Variants in AP1B1 observed in about 807,000 individuals in gnomAD.
AP1B1 encodes AP-1 complex subunit beta-1.
Under a neutral mutation model 104.3 loss-of-function variants are expected in AP1B1, and 36 were observed. The ratio of observed to expected loss-of-function variants is 0.35; its 90% CI spans 0.26 to 0.46. AP1B1 has a LOEUF of 0.46. AP1B1 is among the 20% of genes least tolerant of loss of function. AP1B1 has a pLI of 1.00. For missense variants in AP1B1, 901 were observed against 1,247.9 expected (o/e 0.72, Z 4.19); for synonymous variants, 504 against 517.5 (o/e 0.97, Z 0.35).
At chr22:29,339,644 G>A in intron 15 of AP1B1, 110 bp downstream of exon 15, 1 of 1,180,144 alleles carries the variant, frequency 8.5e-7, no homozygotes, top group Non-Finnish European at 1.2e-6. Flanking sequence ...CAGGGGCTCA[G>A]CAGGTGGAGG....
At chr22:29,330,129 T>C (rs2061534842) in intron 21 of AP1B1, 8 of 1,424,648 alleles carry the variant, frequency 5.6e-6, no homozygotes, top group African/African-American at 1.4e-5. Context: ...TGCACCACCT[T>C]ACAGGGCCCA....
chr22:29,361,340 G>C (rs2062043529), intron 3 of AP1B1, among the ~76,000 whole-genome samples: 1 of 152,204 alleles, frequency 6.6e-6, no homozygotes. Flanking sequence ...ACCTGGATGG[G>C]AGCTGCTCCA....
Position 29,351,118 on chromosome 22 carries a change from G to A in AP1B1, c.1155+53C>T, listed in dbSNP as rs570957160. 41 of 1,533,404 alleles carry A rather than the reference G, an allele frequency of 2.7e-5. No individual in the cohort carries two copies. The African/African-American group carries it at 2.9e-4, about 11-fold the overall frequency. 95.0% of individuals were successfully genotyped at this position (1,533,404 alleles called of 1,614,324 possible). A position where few individuals can be genotyped will look rare whatever the true frequency, so the allele number is the denominator to read the frequency against. ...TCTGCTTGAATCAGACTGGTTTCCCGGTTTCAGCCCCCTTTTCCTTCTCCA... is the reference window on the plus strand; with the variant it reads ...TCTGCTTGAATCAGACTGGTTTCCCAGTTTCAGCCCCCTTTTCCTTCTCCA... On this transcript the variant is annotated intron_variant, in intron 9 of 22. Transcript: ENST00000357586.
intron 17 of AP1B1, 142 bp from the exon 18 acceptor site, chr22:29,332,058 G>GGTCCAGA: frequency 1.2e-6 from 1 of 836,270 alleles, no homozygotes; most frequent in Non-Finnish European, 1.8e-6. Context: ...CTGGACCCTG[G>GGTCCAGA]ACAGAAGGAT....
At chr22:29,371,460 G>A (rs1201277673) in intron 1 of AP1B1, among the ~76,000 whole-genome samples, 12 of 152,174 alleles carry the variant, frequency 7.9e-5, no homozygotes, top group African/African-American at 2.4e-4. Context: ...GGCTGGGCGC[G>A]GTGGCTTATG....
At chr22:29,363,455 C>G (rs174769) in intron 2 of AP1B1, among the ~76,000 whole-genome samples, 58,765 of 152,064 alleles carry the variant, frequency 0.39, 12,422 homozygotes, top group Admixed American at 0.53. Context: ...CAAGACCATC[C>G]TGGCCAACAT....
intron 1 of AP1B1, among the ~76,000 whole-genome samples, chr22:29,368,756 CAAA>C (rs5844848): frequency 1.0e-4 from 12 of 118,680 alleles, no homozygotes; most frequent in Admixed American, 8.8e-5. Flanking sequence ...AGGATTCAGT[CAAA>C]AAAAAAAAAA....
Position 29,358,910 on chromosome 22 carries a change from C to T in AP1B1, c.341G>A (p.Arg114His), listed in dbSNP as rs2062001596. ...ALAVRTMGCI[R>H]VDKITEYLCE... Reference sequence around the variant, plus strand: ...CAGGTACTCTGTGATCTTGTCAACGCGGATGCAGCCCATGGTCCGCACTGC... The same window carrying T: ...CAGGTACTCTGTGATCTTGTCAACGTGGATGCAGCCCATGGTCCGCACTGC... The change falls in exon 5 of 23, where the codon CGC becomes CAC. Residue 114 changes from arginine (R) to histidine (H), a missense_variant. Coordinates refer to ENST00000357586, the MANE Select transcript of AP1B1 (RefSeq NM_001127.4). The T allele has an allele frequency of 1.9e-6, 3 of 1,613,018 alleles. No individual in the cohort carries two copies. Among genetic ancestry groups the T allele is most frequent in the South Asian group, 1.1e-5 (1 of 90,866 alleles).
intron 21 of AP1B1, chr22:29,330,064 G>A: frequency 7.1e-7 from 1 of 1,410,794 alleles, no homozygotes; most frequent in Non-Finnish European, 9.2e-7. Flanking sequence ...TCACAGGACA[G>A]GGCCAGGGCC....
chr22:29,366,754 G>A (rs1410108433), intron 2 of AP1B1, among the ~76,000 whole-genome samples: 4 of 151,410 alleles, frequency 2.6e-5, no homozygotes, highest in African/African-American at 7.3e-5. Flanking sequence ...AGCCAAGATC[G>A]CACCACTGCA....
chr22:29,367,311 C>T, intron 1 of AP1B1, 41 bp from the exon 2 acceptor site: 2 of 958,688 alleles, frequency 2.1e-6, no homozygotes, highest in Non-Finnish European at 3.3e-6. Flanking sequence ...CAGTTATGCT[C>T]CATCCCATCT....
chr22:29,370,856 CA>C (rs1166274227), intron 1 of AP1B1, among the ~76,000 whole-genome samples: 14 of 152,226 alleles, frequency 9.2e-5, no homozygotes, highest in Admixed American at 2.6e-4. Context: ...AGCAACTACT[CA>C]CAAACTTAAC....
intron 10 of AP1B1, 26 bp from the exon 11 acceptor site, chr22:29,349,409 T>C (rs2061839435): frequency 1.9e-6 from 3 of 1,610,262 alleles, no homozygotes; most frequent in African/African-American, 1.3e-5. Context: ...ACAGTTGGTA[T>C]GGGAGCCCTC....
rs140586811 is a variant in AP1B1 at position 29,338,910 on chromosome 22, C to T, written c.2163+80G>A. 8.0e-3 allele frequency: 12,557 copies of T among 1,573,238 alleles called. 79 individuals are homozygous for T. Among genetic ancestry groups the T allele is most frequent in the Non-Finnish European group, 1.0e-2 (11,530 of 1,154,938 alleles). On this transcript the variant is annotated intron_variant, in intron 16 of 22. Coordinates refer to ENST00000357586, the MANE Select transcript of AP1B1 (RefSeq NM_001127.4). Reference sequence around the variant, plus strand: ...TGCTGGCCTGAGCCAATTCCACAGCCGAGGCCATTTAAAGGAGCCCACATG... The same window carrying T: ...TGCTGGCCTGAGCCAATTCCACAGCTGAGGCCATTTAAAGGAGCCCACATG...
intron 15 of AP1B1, among the ~76,000 whole-genome samples, 182 bp downstream of exon 15, chr22:29,339,572 G>A (rs1238225466): frequency 6.6e-6 from 1 of 151,902 alleles, no homozygotes; most frequent in African/African-American, 2.4e-5. Flanking sequence ...ATGGCTATGG[G>A]GCCCAGTGGC....
At chr22:29,364,295 G>A (rs1415080360) in intron 2 of AP1B1, among the ~76,000 whole-genome samples, 1 of 152,184 alleles carries the variant, frequency 6.6e-6, no homozygotes, top group Non-Finnish European at 1.5e-5. Flanking sequence ...CAATTGTTCT[G>A]AAGAACTTCA....
intron 1 of AP1B1, among the ~76,000 whole-genome samples, chr22:29,369,140 C>T (rs931843794): frequency 1.1e-4 from 17 of 152,008 alleles, no homozygotes; most frequent in Admixed American, 6.6e-5. Context: ...CATTACTATA[C>T]GGGGGCAAGA....
intron 16 of AP1B1, among the ~76,000 whole-genome samples, chr22:29,334,791 G>A (rs1261382601): frequency 2.6e-5 from 4 of 152,242 alleles, no homozygotes; most frequent in Non-Finnish European, 5.9e-5. Context: ...GCTAAGGACA[G>A]AGCTCAGTGC....
At chr22:29,365,970 G>T (rs980272956) in intron 2 of AP1B1, among the ~76,000 whole-genome samples, 3 of 152,150 alleles carry the variant, frequency 2.0e-5, no homozygotes, top group Non-Finnish European at 4.4e-5. Flanking sequence ...CACATGGTAG[G>T]TTCTCAGTAA....
Sources: allele counts gnomAD v4.1 joint callset (sites outside exome capture counted in the v4.1 genomes callset), GRCh38; gene constraint gnomAD v4.1.1; transcripts MANE v1.5; gene names NCBI Gene and HGNC (gene_info 2026-07-23, HGNC 2026-07-21).